FAT3: variants seen among roughly 807,000 people sequenced by gnomAD.
FAT3 encodes FAT atypical cadherin 3.
A neutral mutation model predicts 310.2 loss-of-function variants in FAT3; 95 were observed. The observed-to-expected ratio is 0.31, with a 90% CI of 0.26 to 0.36. The LOEUF (loss-of-function observed/expected upper bound fraction) is 0.36. Among genes scored for constraint, FAT3 ranks in the 10% least tolerant of loss-of-function variants. The pLI is 1.00. For synonymous variants in FAT3, 2,314 were observed against 2,192.9 expected (o/e 1.06, Z -1.54); for missense variants, 5,408 against 5,715.6 (o/e 0.95, Z 1.74).
At chr11:92,348,442 A>G (rs907521035) in intron 1 of FAT3, among the ~76,000 whole-genome samples, 4 of 152,252 alleles carry the variant, frequency 2.6e-5, no homozygotes, top group African/African-American at 9.6e-5. Context: ...TTATGATAGC[A>G]TTCTTTGCCT....
chr11:92,482,134 T>A (rs1952244320), intron 2 of FAT3, among the ~76,000 whole-genome samples: 1 of 152,176 alleles, frequency 6.6e-6, no homozygotes, highest in Non-Finnish European at 1.5e-5. Flanking sequence ...ACACATAGAT[T>A]TCATTCATTT....
chr11:92,844,521 G>C lies in FAT3; in HGVS notation c.11154G>C (p.Leu3718=), dbSNP rs1370467459. 5 of 1,613,994 alleles carry C rather than the reference G, an allele frequency of 3.1e-6. No individual in the cohort carries two copies. The highest frequency in any genetic ancestry group is 4.2e-6 in the Non-Finnish European group (5 of 1,179,884). ...HSSEFYKPAY[L]IQKLSNARRH... Reference sequence around the variant, plus strand: ...GCGAGTTCTACAAGCCAGCCTACCTGATCCAGAAGCTGTCCAATGCTAGAA... The same window carrying C: ...GCGAGTTCTACAAGCCAGCCTACCTCATCCAGAAGCTGTCCAATGCTAGAA... Residue 3718 remains leucine (L), a synonymous_variant, in exon 19 of 28, where the codon CTG becomes CTC. Coordinates refer to ENST00000525166, the MANE Select transcript of FAT3 (RefSeq NM_001367949.2).
chr11:92,306,346 C>G (rs996204125), intron 1 of FAT3, among the ~76,000 whole-genome samples: 2 of 150,162 alleles, frequency 1.3e-5, no homozygotes, highest in African/African-American at 2.5e-5. Context: ...TAGTAGAGTC[C>G]ATAGTGGTGC....
intron 3 of FAT3, among the ~76,000 whole-genome samples, chr11:92,602,745 C>T (rs1193605494): frequency 2.0e-5 from 3 of 152,186 alleles, no homozygotes; most frequent in African/African-American, 7.2e-5. Flanking sequence ...TAATCCACTC[C>T]AGCCTGAAAG....
chr11:92,631,819 T>A (rs1941570304), intron 3 of FAT3, among the ~76,000 whole-genome samples: 1 of 152,142 alleles, frequency 6.6e-6, no homozygotes, highest in African/African-American at 2.4e-5. Context: ...CTCAGAGCAC[T>A]GAGCGCCTTG....
intron 2 of FAT3, among the ~76,000 whole-genome samples, chr11:92,357,862 T>C (rs1327139849): frequency 6.6e-6 from 1 of 151,854 alleles, no homozygotes; most frequent in Non-Finnish European, 1.5e-5. Flanking sequence ...TTCTGAATTA[T>C]ATATATATTA....
At chr11:92,583,787 T>C (rs1424473206) in intron 3 of FAT3, among the ~76,000 whole-genome samples, 1 of 152,000 alleles carries the variant, frequency 6.6e-6, no homozygotes. Flanking sequence ...ACAGATGCAT[T>C]GTTCGTTCAT....
intron 24 of FAT3, among the ~76,000 whole-genome samples, chr11:92,885,677 A>G (rs1047461110): frequency 1.1e-4 from 17 of 152,216 alleles, no homozygotes; most frequent in African/African-American, 4.1e-4. Context: ...TTTATTTAGC[A>G]ATAAAAAAGG....
rs554010861 is a variant in FAT3, at chr11:92,337,704, T to C, written c.-17-14392T>C. ...GCCTCGGCCTCCCAAAGTGCTGGAT[T>C]ACAGGCGTAAGCCACCGCACTTGAC... On this transcript the variant is annotated intron_variant, in intron 1 of 27. Coordinates refer to ENST00000525166, the MANE Select transcript of FAT3 (RefSeq NM_001367949.2). 1.2e-4 allele frequency among the ~76,000 whole-genome samples: 19 copies of C among 152,376 alleles called. 1 individual carries two copies. The highest frequency in any genetic ancestry group is 4.3e-4 in the African/African-American group (18 of 41,596).
chr11:92,266,693 G>T (rs1442760243), intron 1 of FAT3, among the ~76,000 whole-genome samples: 1 of 152,116 alleles, frequency 6.6e-6, no homozygotes, highest in African/African-American at 2.4e-5. Flanking sequence ...TCTGCTCAGG[G>T]ATGGCAGAAA....
chr11:92,317,977 C>T (rs745845777), intron 1 of FAT3, among the ~76,000 whole-genome samples: 1 of 152,178 alleles, frequency 6.6e-6, no homozygotes, highest in Non-Finnish European at 1.5e-5. Flanking sequence ...TCTGCCACTT[C>T]TAGGTTGCTT....
chr11:92,842,176 G>A (rs1411374117), intron 18 of FAT3, among the ~76,000 whole-genome samples: 1 of 152,212 alleles, frequency 6.6e-6, no homozygotes, highest in African/African-American at 2.4e-5. Flanking sequence ...TACAGAAAAT[G>A]ATTGCTGATC....
chr11:92,722,456 G>A (rs1944888684), intron 4 of FAT3, among the ~76,000 whole-genome samples: 1 of 152,204 alleles, frequency 6.6e-6, no homozygotes, highest in African/African-American at 2.4e-5. Flanking sequence ...GCTTTTATGG[G>A]CTGGCATTGA....
chr11:92,744,149 A>G (rs1945585272), intron 4 of FAT3, among the ~76,000 whole-genome samples: 1 of 152,290 alleles, frequency 6.6e-6, no homozygotes, highest in East Asian at 1.9e-4. Context: ...ATTGTCTAAG[A>G]TGACTCATAT....
chr11:92,542,932 C>T (rs937717455), intron 3 of FAT3, among the ~76,000 whole-genome samples: 1 of 152,060 alleles, frequency 6.6e-6, no homozygotes, highest in African/African-American at 2.4e-5. Flanking sequence ...CCTAAGTGTC[C>T]ATCCGTGGGT....
chr11:92,810,445 G>C (rs1420912208), intron 13 of FAT3, among the ~76,000 whole-genome samples: 2 of 152,166 alleles, frequency 1.3e-5, no homozygotes, highest in East Asian at 1.9e-4. Context: ...GCTATGTTGT[G>C]AAGCAAGGAG....
intron 3 of FAT3, among the ~76,000 whole-genome samples, chr11:92,585,477 A>G (rs372478897): frequency 1.1e-4 from 17 of 152,178 alleles, no homozygotes; most frequent in African/African-American, 3.8e-4. Context: ...CTCTTGTAGT[A>G]CTAGCTTAAA....
chr11:92,709,750 G>A (rs1944464539), intron 4 of FAT3, among the ~76,000 whole-genome samples: 1 of 152,188 alleles, frequency 6.6e-6, no homozygotes, highest in Non-Finnish European at 1.5e-5. Flanking sequence ...TGGGAAGTTT[G>A]AGGAGCCCTT....
intron 3 of FAT3, among the ~76,000 whole-genome samples, chr11:92,549,629 C>T (rs1954733171): frequency 6.6e-6 from 1 of 152,120 alleles, no homozygotes; most frequent in African/African-American, 2.4e-5. Context: ...GCCAAACATA[C>T]TTAGCATTCA....
Sources: allele counts gnomAD v4.1 joint callset (sites outside exome capture counted in the v4.1 genomes callset), GRCh38; gene constraint gnomAD v4.1.1; transcripts MANE v1.5; gene names NCBI Gene and HGNC (gene_info 2026-07-23, HGNC 2026-07-21).